Variants in PPM1L observed in about 807,000 individuals in gnomAD.
PPM1L encodes protein phosphatase, Mg2+/Mn2+ dependent 1L.
In PPM1L, 13 loss-of-function variants were observed where a neutral mutation model predicts 31.4. The ratio of observed to expected loss-of-function variants is 0.41; its 90% CI spans 0.27 to 0.66. PPM1L has a LOEUF of 0.66. PPM1L is among the 30% of genes least tolerant of loss of function. The pLI, the probability that PPM1L is intolerant of heterozygous loss-of-function variation, is 0.29. For missense variants in PPM1L, 326 were observed against 453.7 expected (o/e 0.72, Z 2.56); for synonymous variants, 184 against 175.4 (o/e 1.05, Z -0.39).
At chr3:160,816,430 G>A (rs1712996793) in intron 1 of PPM1L, among the ~76,000 whole-genome samples, 1 of 151,340 alleles carries the variant, frequency 6.6e-6, no homozygotes, top group African/African-American at 2.4e-5. Flanking sequence ...TGCAAATATG[G>A]CCTAAGGAAA....
chr3:160,840,763 A>G (rs1713849991), intron 1 of PPM1L, among the ~76,000 whole-genome samples: 1 of 151,350 alleles, frequency 6.6e-6, no homozygotes, highest in African/African-American at 2.4e-5. Context: ...AAAGAAGGAG[A>G]GAGAGAGAGA....
In PPM1L at chr3:160,887,060, G is replaced by A. The variant is rs182444563; in HGVS notation, c.400-74676G>A. Among the ~76,000 whole-genome samples the A allele has an allele frequency of 5.9e-5, 9 of 152,010 alleles. 1 individual carries two copies. In the East Asian group the frequency reaches 1.6e-3, roughly 26 times the overall value. ...AAATATAGCACAAGAGCTTCGTGAA[G>A]CATAGATAAGTATCAATAGCTGAAT... is the stretch of plus-strand genomic sequence containing the variant. On this transcript the variant is annotated intron_variant, in intron 1 of 3. Coordinates refer to ENST00000498165, the MANE Select transcript of PPM1L (RefSeq NM_139245.4).
At chr3:161,062,374 G>A (rs1719598620) in intron 2 of PPM1L, among the ~76,000 whole-genome samples, 2 of 152,274 alleles carry the variant, frequency 1.3e-5, no homozygotes, top group South Asian at 4.1e-4. Flanking sequence ...AGGCCAGCAG[G>A]CGGATCACTT....
rs143386537 is a variant in PPM1L at position 160,814,476 on chromosome 3, T to TAC, written c.399+57789_399+57790dup. ...GTGGATGAAGATGATGTGGTGTATA[T>TAC]ACACACACACACACACACACATATA... On this transcript the variant is annotated intron_variant, in intron 1 of 3. Coordinates refer to ENST00000498165, the MANE Select transcript of PPM1L (RefSeq NM_139245.4). Among the ~76,000 whole-genome samples, 502 of 144,916 alleles carry TAC rather than the reference T, an allele frequency of 3.5e-3. 7 individuals are homozygous for TAC. The highest frequency in any genetic ancestry group is 7.0e-3 in the Admixed American group (98 of 13,986).
chr3:160,936,669 A>G (rs1714983281), intron 1 of PPM1L, among the ~76,000 whole-genome samples: 1 of 152,236 alleles, frequency 6.6e-6, no homozygotes, highest in African/African-American at 2.4e-5. Context: ...CTTAAATATG[A>G]AGTATTTAAA....
intron 1 of PPM1L, among the ~76,000 whole-genome samples, chr3:160,792,661 A>C (rs1340589122): frequency 6.6e-6 from 1 of 152,226 alleles, no homozygotes; most frequent in Non-Finnish European, 1.5e-5. Flanking sequence ...TTCTCATTTC[A>C]GATACCAGCT....
chr3:160,936,506 G>A (rs1423391405), intron 1 of PPM1L, among the ~76,000 whole-genome samples: 2 of 152,178 alleles, frequency 1.3e-5, no homozygotes, highest in Admixed American at 6.5e-5. Flanking sequence ...TAAAACAGCT[G>A]TAAGTGCATA....
chr3:160,897,837 C>T (rs753815532), intron 1 of PPM1L, among the ~76,000 whole-genome samples: 1 of 152,214 alleles, frequency 6.6e-6, no homozygotes, highest in Non-Finnish European at 1.5e-5. Flanking sequence ...TAACAATACT[C>T]TCAGTGTCTC....
intron 1 of PPM1L, among the ~76,000 whole-genome samples, chr3:160,955,822 T>A (rs551395541): frequency 1.5e-3 from 229 of 151,954 alleles, no homozygotes; most frequent in African/African-American, 5.4e-3. Context: ...GGATAATTTT[T>A]TTTTTGTATT....
At chr3:160,923,616 G>T (rs1714492206) in intron 1 of PPM1L, among the ~76,000 whole-genome samples, 1 of 152,128 alleles carries the variant, frequency 6.6e-6, no homozygotes, top group South Asian at 2.1e-4. Flanking sequence ...ATATTGAAAT[G>T]GTGTCCAGAA....
intron 1 of PPM1L, among the ~76,000 whole-genome samples, chr3:160,816,570 T>C (rs191097996): frequency 4.5e-4 from 68 of 152,024 alleles, no homozygotes; most frequent in African/African-American, 1.6e-3. Flanking sequence ...TTCCTTAATT[T>C]TATATTGAAG....
At chr3:161,057,734 G>C (rs1032569610) in intron 2 of PPM1L, among the ~76,000 whole-genome samples, 1 of 152,036 alleles carries the variant, frequency 6.6e-6, no homozygotes, top group African/African-American at 2.4e-5. Flanking sequence ...CTGAGGAACT[G>C]CTTTCCCCTG....
At chr3:160,989,093 T>C (rs193274125) in intron 2 of PPM1L, among the ~76,000 whole-genome samples, 1,554 of 152,312 alleles carry the variant, frequency 0.01, 29 homozygotes, top group African/African-American at 0.036. Flanking sequence ...AAGACAATCC[T>C]TTAGAAAAAT....
At chr3:160,823,037 A>T (rs1166275329) in intron 1 of PPM1L, among the ~76,000 whole-genome samples, 1 of 152,100 alleles carries the variant, frequency 6.6e-6, no homozygotes, top group Non-Finnish European at 1.5e-5. Context: ...GTCCCTGCTC[A>T]CAAAGAGATA....
chr3:160,858,072 A>C (rs571471187), intron 1 of PPM1L, among the ~76,000 whole-genome samples: 46 of 152,272 alleles, frequency 3.0e-4, no homozygotes, highest in African/African-American at 1.0e-3. Context: ...TTTAGTTGAC[A>C]TTTGAAATGG....
At chr3:161,050,281 C>CA (rs1719230618) in intron 2 of PPM1L, among the ~76,000 whole-genome samples, 1 of 152,086 alleles carries the variant, frequency 6.6e-6, no homozygotes, top group Non-Finnish European at 1.5e-5. Flanking sequence ...AAACAACTAT[C>CA]AAAAAGACCA....
At chr3:160,836,054 T>C (rs1213172027) in intron 1 of PPM1L, among the ~76,000 whole-genome samples, 1 of 152,114 alleles carries the variant, frequency 6.6e-6, no homozygotes, top group Admixed American at 6.5e-5. Context: ...GATTGAAATA[T>C]CTTTTCAGGT....
In PPM1L at chr3:161,006,680, CT is replaced by C. The variant is rs1180679318; in HGVS notation, c.574+44790del. Among the ~76,000 whole-genome samples the C allele has an allele frequency of 2.1e-3, 246 of 118,870 alleles. 1 individual carries two copies. The highest frequency in any genetic ancestry group is 4.3e-3 in the Middle Eastern group (1 of 230). The allele number at this position is 118,870 out of a possible 152,430, so 78.0% of individuals were successfully genotyped here. A position where few individuals can be genotyped will look rare whatever the true frequency, so the allele number is the denominator to read the frequency against. On this transcript the variant is annotated intron_variant, in intron 2 of 3. Coordinates refer to ENST00000498165, the MANE Select transcript of PPM1L (RefSeq NM_139245.4). ...CACTTCAGAAAACCCACCGTCTTTC[CT>C]TTTTTTTTTTTTTTTTTTTGAGACG...
chr3:160,770,033 G>T (rs375860964), intron 1 of PPM1L, among the ~76,000 whole-genome samples: 3 of 152,062 alleles, frequency 2.0e-5, no homozygotes, highest in African/African-American at 4.8e-5. Context: ...ATTACAATGA[G>T]ACCATCTTTT....
Sources: allele counts gnomAD v4.1 joint callset (sites outside exome capture counted in the v4.1 genomes callset), GRCh38; gene constraint gnomAD v4.1.1; transcripts MANE v1.5; gene names NCBI Gene and HGNC (gene_info 2026-07-23, HGNC 2026-07-21).